SCAPER: variants seen among roughly 807,000 people sequenced by gnomAD.
The protein encoded by SCAPER is S phase cyclin A-associated protein in the endoplasmic reticulum.
SCAPER carries 98 observed loss-of-function variants against 182.2 expected under a neutral mutation model. The observed-to-expected ratio is 0.54, with a 90% confidence interval of 0.46 to 0.64. The LOEUF (loss-of-function observed/expected upper bound fraction) is 0.64, where lower values mean the gene tolerates loss of function less well. Ranked by LOEUF, SCAPER falls within the 30% of genes least tolerant of loss-of-function variation. The pLI is 0.00. For synonymous variants in SCAPER, 605 were observed against 564.6 expected (o/e 1.07, Z -1.01); for missense variants, 1,432 against 1,690.0 (o/e 0.85, Z 2.68).
intron 25 of SCAPER, among the ~76,000 whole-genome samples, chr15:76,453,824 T>C (rs1037120847): frequency 6.6e-6 from 1 of 152,188 alleles, no homozygotes; most frequent in Non-Finnish European, 1.5e-5. Context: ...AATAAATACT[T>C]CTCTCTCACT....
chr15:76,786,889 C>T (rs1330492116), intron 8 of SCAPER, among the ~76,000 whole-genome samples: 2 of 151,918 alleles, frequency 1.3e-5, no homozygotes, highest in Admixed American at 6.6e-5. Context: ...AACTTATAAT[C>T]GCAAAAAGAA....
intron 20 of SCAPER, among the ~76,000 whole-genome samples, chr15:76,688,006 G>C (rs893450203): frequency 1.3e-5 from 2 of 152,110 alleles, no homozygotes; most frequent in African/African-American, 4.8e-5. Flanking sequence ...GACCCTTGAG[G>C]AATCGCCACA....
intron 23 of SCAPER, among the ~76,000 whole-genome samples, chr15:76,567,754 T>C (rs1323158806): frequency 2.0e-5 from 3 of 152,214 alleles, no homozygotes; most frequent in South Asian, 4.1e-4. Context: ...GAATTCCTTC[T>C]ATACTCTGGA....
chr15:76,765,348 G>A lies in SCAPER; in HGVS notation c.1602C>T (p.Pro534=), dbSNP rs771119042. The change falls in exon 13 of 32, where the codon CCC becomes CCT. Residue 534 remains proline (P), a synonymous_variant. Transcript: ENST00000563290. ...TTCAAATGCCAGACCTTTTACGAGA[G>A]GGTGAAGAAAGTTTTTCATGCATGT... ...GIHMHEKLSS[P]SRKRTIAESK... 2.5e-6 allele frequency: 4 copies of A among 1,611,606 alleles called. No individual in the cohort carries two copies. In the South Asian group the frequency reaches 3.3e-5, roughly 13 times the overall value.
intron 21 of SCAPER, among the ~76,000 whole-genome samples, chr15:76,638,732 C>G (rs190430770): frequency 2.0e-4 from 31 of 152,154 alleles, no homozygotes; most frequent in African/African-American, 7.5e-4. Context: ...TAAACTATGT[C>G]GAGAATGACA....
At chr15:76,435,625 A>G (rs2047149957) in intron 25 of SCAPER, among the ~76,000 whole-genome samples, 1 of 152,194 alleles carries the variant, frequency 6.6e-6, no homozygotes. Flanking sequence ...CAGTTCTCTC[A>G]TTTTGGTGTA....
chr15:76,401,294 T>C (rs1201203748), intron 27 of SCAPER, among the ~76,000 whole-genome samples: 1 of 152,180 alleles, frequency 6.6e-6, no homozygotes, highest in Non-Finnish European at 1.5e-5. Context: ...CTGGGAGTCA[T>C]TCTAGATGCT....
At chr15:76,733,894 C>T (rs1234387071) in intron 15 of SCAPER, among the ~76,000 whole-genome samples, 1 of 151,980 alleles carries the variant, frequency 6.6e-6, no homozygotes, top group Non-Finnish European at 1.5e-5. Flanking sequence ...GGATAATAAT[C>T]CAGTGTGTAT....
At chr15:76,719,663 C>A (rs189770113) in intron 17 of SCAPER, among the ~76,000 whole-genome samples, 1 of 152,032 alleles carries the variant, frequency 6.6e-6, no homozygotes, top group East Asian at 1.9e-4. Context: ...TGATGTATAC[C>A]TTAAATAAAC....
At chr15:76,648,449 G>A (rs2054738117) in intron 21 of SCAPER, among the ~76,000 whole-genome samples, 1 of 152,030 alleles carries the variant, frequency 6.6e-6, no homozygotes, top group African/African-American at 2.4e-5. Context: ...AATAGACTGA[G>A]GCAGAAAAAA....
intron 8 of SCAPER, among the ~76,000 whole-genome samples, chr15:76,777,052 C>T (rs536440296): frequency 2.0e-4 from 30 of 152,170 alleles, no homozygotes; most frequent in Non-Finnish European, 4.0e-4. Flanking sequence ...TTAAAGCTCT[C>T]AAAACTAAAG....
At chr15:76,871,605 C>G (rs2072741653) in intron 2 of SCAPER, among the ~76,000 whole-genome samples, 3 of 141,042 alleles carry the variant, frequency 2.1e-5, no homozygotes, top group Non-Finnish European at 4.6e-5. Context: ...TGGAGTCTCA[C>G]TCTGTCACCC....
intron 15 of SCAPER, among the ~76,000 whole-genome samples, chr15:76,740,030 G>A (rs1354433825): frequency 6.6e-6 from 1 of 152,122 alleles, no homozygotes; most frequent in East Asian, 1.9e-4. Flanking sequence ...GTCAAATTTT[G>A]TGGCACATGC....
chr15:76,603,185 T>C (rs2050058206), intron 22 of SCAPER, among the ~76,000 whole-genome samples: 1 of 118,260 alleles, frequency 8.5e-6, no homozygotes, highest in Admixed American at 9.9e-5. Flanking sequence ...TCCCTCCCCC[T>C]TCCTCCCACC....
intron 26 of SCAPER, among the ~76,000 whole-genome samples, chr15:76,427,933 CA>C (rs35011897): frequency 0.57 from 74,668 of 131,842 alleles, 20,296 homozygotes; most frequent in East Asian, 0.73. Context: ...AACTCCATCT[CA>C]AAAAAAAAAA....
intron 26 of SCAPER, among the ~76,000 whole-genome samples, chr15:76,416,150 T>C (rs1567091851): frequency 6.6e-6 from 1 of 151,692 alleles, no homozygotes; most frequent in African/African-American, 2.4e-5. Context: ...CAGTGAACAT[T>C]AAAAAATATT....
chr15:76,373,637 G>A (rs1285660758), intron 29 of SCAPER, among the ~76,000 whole-genome samples: 1 of 152,200 alleles, frequency 6.6e-6, no homozygotes, highest in Non-Finnish European at 1.5e-5. Context: ...CCTGGCAACA[G>A]GGTCTGTAAA....
chr15:76,747,604 T>C (rs2061863499), intron 15 of SCAPER, among the ~76,000 whole-genome samples: 1 of 152,098 alleles, frequency 6.6e-6, no homozygotes, highest in Non-Finnish European at 1.5e-5. Context: ...AGATCCCTCA[T>C]GAATAGATTA....
chr15:76,621,352 G>A (rs2096087194), intron 22 of SCAPER, among the ~76,000 whole-genome samples: 1 of 152,058 alleles, frequency 6.6e-6, no homozygotes, highest in Non-Finnish European at 1.5e-5. Flanking sequence ...TTACGGACTG[G>A]CCCGAGGAAC....
Sources: gnomAD v4.1 joint callset for allele counts (sites outside exome capture counted in the v4.1 genomes callset) on GRCh38, gnomAD v4.1.1 for gene constraint, MANE v1.5 for transcripts, NCBI Gene and HGNC (gene_info 2026-07-23, HGNC 2026-07-21) for gene names.